The following PGM2L1 variants were observed in gnomAD, a reference collection of about 807,000 sequenced individuals.
PGM2L1 encodes the protein glucose 1,6-bisphosphate synthase.
Under a neutral mutation model 73.4 loss-of-function variants are expected in PGM2L1, and 35 were observed. The ratio of observed to expected loss-of-function variants is 0.48; its 90% CI spans 0.36 to 0.63. The LOEUF is 0.63. Among genes scored for constraint, PGM2L1 ranks in the 30% least tolerant of loss-of-function variants. PGM2L1 has a pLI of 0.00. For synonymous variants in PGM2L1, 225 were observed against 253.8 expected (o/e 0.89, Z 1.08); for missense variants, 570 against 742.0 (o/e 0.77, Z 2.69).
intron 1 of PGM2L1, chr11:74,397,567 G>C (rs1177552742): frequency 6.6e-6 from 1 of 152,498 alleles, no homozygotes; most frequent in Non-Finnish European, 1.5e-5. Flanking sequence ...AGTGATAAAA[G>C]GCCAGCAACT....
intron 1 of PGM2L1, among the ~76,000 whole-genome samples, chr11:74,386,002 G>T (rs11236092): frequency 0.21 from 31,214 of 151,840 alleles, 3,543 homozygotes; most frequent in East Asian, 0.3. Flanking sequence ...AAGACATCCA[G>T]CAAAAAGGAA....
At chr11:74,375,080 C>T (rs1862836549) in intron 1 of PGM2L1, among the ~76,000 whole-genome samples, 2 of 152,272 alleles carry the variant, frequency 1.3e-5, no homozygotes, top group African/African-American at 4.8e-5. Context: ...ACCATCAAAA[C>T]ATGCCTACCA....
intron 13 of PGM2L1, 101 bp from the exon 14 acceptor site, chr11:74,336,855 A>G: frequency 1.4e-6 from 1 of 715,298 alleles, no homozygotes; most frequent in Non-Finnish European, 2.2e-6. Context: ...GAGTCATTAA[A>G]CAATTGGTAA....
chr11:74,351,303 A>ACACTTTTTAT (rs149649729), intron 6 of PGM2L1, 80 bp downstream of exon 6: 1 of 1,335,688 alleles, frequency 7.5e-7, no homozygotes, highest in Non-Finnish European at 1.0e-6. Context: ...TAAATAGACA[A>ACACTTTTTAT]CACTTTTTAT....
intron 5 of PGM2L1, among the ~76,000 whole-genome samples, chr11:74,363,817 A>G (rs1295206118): frequency 6.6e-6 from 1 of 152,208 alleles, no homozygotes; most frequent in Non-Finnish European, 1.5e-5. Flanking sequence ...TTCTGAAACT[A>G]TTCCAATCAA....
At chr11:74,369,505 G>A (rs1246067886) in intron 4 of PGM2L1, among the ~76,000 whole-genome samples, 1 of 152,166 alleles carries the variant, frequency 6.6e-6, no homozygotes, top group Non-Finnish European at 1.5e-5. Context: ...GAACGAGGCT[G>A]TAATGAGAAG....
intron 5 of PGM2L1, among the ~76,000 whole-genome samples, chr11:74,357,277 C>T (rs1352596073): frequency 6.6e-6 from 1 of 152,120 alleles, no homozygotes; most frequent in Non-Finnish European, 1.5e-5. Flanking sequence ...AAAAGACATG[C>T]CAGACTGGGA....
At chr11:74,378,077 G>A (rs1350257181) in intron 1 of PGM2L1, among the ~76,000 whole-genome samples, 1 of 152,064 alleles carries the variant, frequency 6.6e-6, no homozygotes, top group Admixed American at 6.5e-5. Context: ...CGAGGCGGGC[G>A]GATCACCTGA....
At chr11:74,381,926 C>A (rs1862954003) in intron 1 of PGM2L1, among the ~76,000 whole-genome samples, 1 of 146,436 alleles carries the variant, frequency 6.8e-6, no homozygotes, top group African/African-American at 2.5e-5. Context: ...CCAATGGTAA[C>A]CTAGGAAATG....
At position 74,346,775 on chromosome 11, in the gene PGM2L1, C is replaced by T; in HGVS notation, c.994G>A (p.Asp332Asn). 1 of 1,614,130 alleles carries T rather than the reference C, an allele frequency of 6.2e-7. No homozygotes were observed. Among genetic ancestry groups the T allele is most frequent in the Non-Finnish European group, 8.5e-7 (1 of 1,179,988 alleles). ...GCTGCCAGTCTGTCTGCATCAGGAT[C>T]TGTGGCTAGCACTACCCGGGCATTT... The part of the protein sequence containing the change: ...KENARVVLAT[D>N]PDADRLAAAE... The change falls in exon 8 of 14, where the codon GAT becomes AAT. Residue 332 changes from aspartate (D) to asparagine (N), a missense_variant. By Grantham distance (23) the Asp-to-Asn change is conservative. Transcript: ENST00000298198.
intron 5 of PGM2L1, among the ~76,000 whole-genome samples, 179 bp from the exon 6 acceptor site, chr11:74,351,755 G>A (rs992699804): frequency 1.3e-5 from 2 of 152,160 alleles, no homozygotes; most frequent in Admixed American, 1.3e-4. Flanking sequence ...GAGGTCAGCA[G>A]ATCGAGACCA....
In PGM2L1 at chr11:74,351,553, C is replaced by T; in HGVS notation, c.579G>A (p.Gln193=). 6.2e-7 allele frequency: 1 copy of T among 1,608,712 alleles called. No homozygotes were observed. The highest frequency in any genetic ancestry group is 1.1e-5 in the South Asian group (1 of 90,170). The change falls in exon 6 of 14, where the codon CAG becomes CAA. Residue 193 remains glutamine (Q), a synonymous_variant. Transcript: ENST00000298198. ...GYKVYWETGA[Q]ITSPHDKEIL... ...TTTCTTTATCATGAGGAGATGTGAT[C>T]TGAGCACCAGTTTCCCAGTAAACCT... is the stretch of plus-strand genomic sequence containing the variant.
chr11:74,398,200 A>G lies in PGM2L1; in HGVS notation c.-39T>C, dbSNP rs1173142879. On this transcript the variant is annotated 5_prime_UTR_variant, in exon 1 of 14. Transcript: ENST00000298198. ...GCGTACGGGCCGGGGGCCGGCGAAG[A>G]CACTGAGTTGGGGTGGGGGGTGGCT... 1.9e-6 allele frequency: 3 copies of G among 1,583,274 alleles called. No homozygotes were observed. Among genetic ancestry groups the G allele is most frequent in the Non-Finnish European group, 1.7e-6 (2 of 1,163,554 alleles).
chr11:74,337,931 C>T (rs1402905607), intron 13 of PGM2L1, among the ~76,000 whole-genome samples: 1 of 152,092 alleles, frequency 6.6e-6, no homozygotes, highest in Non-Finnish European at 1.5e-5. Flanking sequence ...AACATACATT[C>T]ACACAAAAAC....
At chr11:74,361,356 A>C (rs1192265754) in intron 5 of PGM2L1, among the ~76,000 whole-genome samples, 1 of 152,208 alleles carries the variant, frequency 6.6e-6, no homozygotes, top group Non-Finnish European at 1.5e-5. Flanking sequence ...TATAAGGAAA[A>C]CTAACAAACA....
chr11:74,347,188 G>A lies in PGM2L1; in HGVS notation c.899C>T (p.Thr300Ile), dbSNP rs868649027. 6.2e-7 allele frequency: 1 copy of A among 1,604,596 alleles called. No homozygotes were observed. Among genetic ancestry groups the A allele is most frequent in the Non-Finnish European group, 8.5e-7 (1 of 1,176,124 alleles). ...TTCTTCAGGATTTGGACATTTAACG[G>A]TAGAAAAGTCTGGATCAGGATCTTT... is the stretch of plus-strand genomic sequence containing the variant. ...EQKDPDPDFS[T>I]VKCPNPEEGE... is the part of the protein sequence containing the mutation. The change falls in exon 7 of 14, where the codon ACC becomes ATC. Residue 300 changes from threonine (T) to isoleucine (I), a missense_variant. Physicochemically the swap from Thr to Ile is moderately conservative, Grantham distance 89. Transcript: ENST00000298198.
intron 5 of PGM2L1, among the ~76,000 whole-genome samples, chr11:74,363,752 G>A (rs1862605945): frequency 6.6e-6 from 1 of 152,166 alleles, no homozygotes; most frequent in Non-Finnish European, 1.5e-5. Flanking sequence ...TCCAGGACCA[G>A]ACGGATTCAC....
chr11:74,337,236 G>T (rs980230629), intron 13 of PGM2L1, among the ~76,000 whole-genome samples: 32 of 152,338 alleles, frequency 2.1e-4, no homozygotes, highest in South Asian at 4.1e-4. Flanking sequence ...CATCACTGAG[G>T]TGCTGCCGTT....
chr11:74,360,282 A>AAGGG (rs140100286), intron 5 of PGM2L1, among the ~76,000 whole-genome samples: 5 of 147,148 alleles, frequency 3.4e-5, no homozygotes, highest in South Asian at 2.3e-4. Flanking sequence ...AGAAGGAAGG[A>AAGGG]AGGGAGGGAG....
Sources: gnomAD v4.1 joint callset for allele counts (sites outside exome capture counted in the v4.1 genomes callset) on GRCh38, gnomAD v4.1.1 for gene constraint, MANE v1.5 for transcripts, NCBI Gene and HGNC (gene_info 2026-07-23, HGNC 2026-07-21) for gene names.